The following GABRA2 variants were observed in gnomAD, a reference collection of about 807,000 sequenced individuals.
GABRA2 encodes gamma-aminobutyric acid type A receptor subunit alpha2.
GABRA2 carries 16 observed loss-of-function variants against 48.7 expected under a neutral mutation model. The observed-to-expected ratio is 0.33, with a 90% confidence interval of 0.22 to 0.50. The LOEUF is 0.50. GABRA2 is among the 20% of genes least tolerant of loss of function. GABRA2 has a pLI of 0.98. For synonymous variants in GABRA2, 185 were observed against 184.5 expected, an observed-to-expected ratio of 1.00 and a Z score of -0.02; for missense variants, 275 against 535.6, an observed-to-expected ratio of 0.51 and a Z score of 4.80.
intron 3 of GABRA2, among the ~76,000 whole-genome samples, chr4:46,384,732 A>G (rs932113071): frequency 1.3e-5 from 2 of 152,186 alleles, no homozygotes; most frequent in South Asian, 2.1e-4. Flanking sequence ...TACTTCTCTT[A>G]TACAAGTTTG....
In GABRA2 at chr4:46,386,307, TTCC is replaced by T. The variant is rs1023179220; in HGVS notation, c.72-121_72-119del. The T allele has an allele frequency of 6.3e-5, 38 of 604,532 alleles. No individual in the cohort carries two copies. The Admixed American group carries it at 8.2e-4, about 13-fold the overall frequency. The allele number at this position is 604,532 out of a possible 1,614,324, so 37.4% of individuals were successfully genotyped here. A position where few individuals can be genotyped will look rare whatever the true frequency, so the allele number is the denominator to read the frequency against. ...CCCTGAGCTATTAGTACCACCCGTT[TTCC>T]TCCTTTTTTTTTAACTTCTATAAAT... On this transcript the variant is annotated intron_variant, in intron 2 of 9. Coordinates refer to ENST00000381620, the MANE Select transcript of GABRA2 (RefSeq NM_000807.4).
intron 4 of GABRA2, among the ~76,000 whole-genome samples, chr4:46,331,713 C>T (rs1184058145): frequency 6.6e-6 from 1 of 152,072 alleles, no homozygotes; most frequent in African/African-American, 2.4e-5. Flanking sequence ...CCTCACTTAT[C>T]TATCTCATTT....
chr4:46,276,250 T>C (rs1347799493), intron 8 of GABRA2, among the ~76,000 whole-genome samples: 8 of 152,102 alleles, frequency 5.3e-5, no homozygotes, highest in Admixed American at 5.2e-4. Flanking sequence ...TCAAAAGCAG[T>C]AAATTCTTCA....
intron 6 of GABRA2, among the ~76,000 whole-genome samples, chr4:46,306,041 C>A (rs1688414103): frequency 6.6e-6 from 1 of 152,060 alleles, no homozygotes; most frequent in Non-Finnish European, 1.5e-5. Flanking sequence ...TATGAAGACA[C>A]TGTGGTAAAA....
At chr4:46,386,015 C>A in intron 3 of GABRA2, 59 bp downstream of exon 3, 1 of 961,160 alleles carries the variant, frequency 1.0e-6, no homozygotes. Flanking sequence ...AGGAATATTA[C>A]CCTTAACTTT....
chr4:46,377,892 G>T (rs1302665587), intron 3 of GABRA2, among the ~76,000 whole-genome samples: 4 of 148,916 alleles, frequency 2.7e-5, no homozygotes, highest in African/African-American at 1.0e-4. Context: ...TAGCCGCCCC[G>T]TCCAGGAGGT....
chr4:46,265,386 A>ATATATATATATATAATATTGTG (rs1717927515), intron 8 of GABRA2, among the ~76,000 whole-genome samples: 3 of 106,020 alleles, frequency 2.8e-5, no homozygotes, highest in African/African-American at 2.6e-4. Flanking sequence ...TGTGTACACA[A>ATATATATATATATAATATTGTG]TATATATATA....
At chr4:46,322,755 T>C (rs1336986664) in intron 4 of GABRA2, among the ~76,000 whole-genome samples, 1 of 151,936 alleles carries the variant, frequency 6.6e-6, no homozygotes, top group East Asian at 1.9e-4. Flanking sequence ...TTTAATGTAG[T>C]ATGAAGGATA....
chr4:46,291,161 ATTC>A (rs1172449058), intron 8 of GABRA2, among the ~76,000 whole-genome samples: 1 of 152,132 alleles, frequency 6.6e-6, no homozygotes, highest in Non-Finnish European at 1.5e-5. Flanking sequence ...ATTGGTGTTA[ATTC>A]TTCTAAAAAT....
intron 6 of GABRA2, among the ~76,000 whole-genome samples, chr4:46,307,665 T>C (rs540965577): frequency 5.9e-4 from 90 of 152,264 alleles, no homozygotes; most frequent in African/African-American, 2.0e-3. Context: ...TAGATTAATA[T>C]ATTAAGTCAT....
intron 8 of GABRA2, among the ~76,000 whole-genome samples, chr4:46,295,690 C>G (rs1241574778): frequency 1.3e-5 from 2 of 152,192 alleles, no homozygotes; most frequent in African/African-American, 4.8e-5. Context: ...GCAGCAGAGA[C>G]TAGCTCTGAG....
chr4:46,349,544 T>C (rs1036927450), intron 3 of GABRA2, among the ~76,000 whole-genome samples: 1 of 151,980 alleles, frequency 6.6e-6, no homozygotes, highest in Non-Finnish European at 1.5e-5. Context: ...GGTTTTAAGA[T>C]CGGTTGCTTT....
At chr4:46,311,723 T>C (rs963192407) in intron 5 of GABRA2, among the ~76,000 whole-genome samples, 5 of 152,232 alleles carry the variant, frequency 3.3e-5, no homozygotes, top group African/African-American at 9.6e-5. Context: ...AATATACTTG[T>C]AAGCCTTATT....
Position 46,247,017 on chromosome 4 carries a change from C to T in GABRA2, c.*3291G>A, listed in dbSNP as rs1361962495. 6.6e-6 allele frequency among the ~76,000 whole-genome samples: 1 copy of T among 150,728 alleles called. No individual in the cohort carries two copies. Among genetic ancestry groups the T allele is most frequent in the African/African-American group, 2.4e-5 (1 of 41,180 alleles). Reference sequence around the variant, plus strand: ...CCACATAAATGCAAATTATACTTACCAAATAATGAGAGTAAAATAATAGAT... The same window carrying T: ...CCACATAAATGCAAATTATACTTACTAAATAATGAGAGTAAAATAATAGAT... On this transcript the variant is annotated 3_prime_UTR_variant, in exon 10 of 10. Coordinates refer to ENST00000381620, the MANE Select transcript of GABRA2 (RefSeq NM_000807.4).
At chr4:46,374,887 C>G (rs1323154710) in intron 3 of GABRA2, among the ~76,000 whole-genome samples, 1 of 151,932 alleles carries the variant, frequency 6.6e-6, no homozygotes, top group Admixed American at 6.6e-5. Flanking sequence ...ATTCACCCCC[C>G]TAATAAGTTT....
chr4:46,260,779 T>G lies in GABRA2; in HGVS notation c.1059+1147A>C, dbSNP rs543988509. The G allele has an allele frequency of 2.1e-4, 32 of 152,030 alleles. No individual in the cohort carries two copies. The Middle Eastern group carries it at 0.014, about 65-fold the overall frequency. The allele number at this position is 152,030 out of a possible 1,614,324, so 9.4% of individuals were successfully genotyped here. ...CATACAAAATGGACCAGATTCCTTT[T>G]AATATTTATTTGTTGGCTCCGTTAG... On this transcript the variant is annotated intron_variant, in intron 9 of 9. Coordinates refer to ENST00000381620, the MANE Select transcript of GABRA2 (RefSeq NM_000807.4).
At chr4:46,297,426 C>T (rs1724926917) in intron 8 of GABRA2, among the ~76,000 whole-genome samples, 1 of 136,548 alleles carries the variant, frequency 7.3e-6, no homozygotes, top group Admixed American at 7.9e-5. Context: ...TGCAGTTGGC[C>T]TATTGTGGGA....
chr4:46,286,988 T>G (rs756434689), intron 8 of GABRA2, among the ~76,000 whole-genome samples: 10 of 152,148 alleles, frequency 6.6e-5, no homozygotes, highest in Non-Finnish European at 1.2e-4. Flanking sequence ...TGCTTGTGCT[T>G]TTGGTGTTAG....
Position 46,257,302 on chromosome 4 carries a change from G to T in GABRA2, c.1059+4624C>A, listed in dbSNP as rs965512300. ...CTTAACAAATAATAGGAGTTTGTCA[G>T]TTAGCAGCAGAAGAAGAGGTATTAT... On this transcript the variant is annotated intron_variant, in intron 9 of 9. Transcript: ENST00000381620. 4.0e-5 allele frequency among the ~76,000 whole-genome samples: 6 copies of T among 151,804 alleles called. No individual in the cohort carries two copies. In the Admixed American group the frequency reaches 4.0e-4, roughly 10 times the overall value.
Sources: gnomAD v4.1 joint callset for allele counts (sites outside exome capture counted in the v4.1 genomes callset) on GRCh38, gnomAD v4.1.1 for gene constraint, MANE v1.5 for transcripts, NCBI Gene and HGNC (gene_info 2026-07-23, HGNC 2026-07-21) for gene names.